The following NCOA2 variants were observed in gnomAD, a reference collection of about 807,000 sequenced individuals.
NCOA2 encodes class E basic helix-loop-helix protein 75.
Under a neutral mutation model 145.1 loss-of-function variants are expected in NCOA2, and 21 were observed. The ratio of observed to expected loss-of-function variants is 0.14; its 90% CI spans 0.10 to 0.21. The LOEUF (loss-of-function observed/expected upper bound fraction) is 0.21. NCOA2 is among the 10% of genes least tolerant of loss of function. The pLI is 1.00. For missense variants in NCOA2, 1,472 were observed against 1,837.6 expected, an observed-to-expected ratio of 0.80 and a Z score of 3.64; for synonymous variants, 619 against 637.5, an observed-to-expected ratio of 0.97 and a Z score of 0.44.
intron 1 of NCOA2, among the ~76,000 whole-genome samples, chr8:70,390,558 G>T (rs1813098522): frequency 6.6e-6 from 1 of 151,546 alleles, no homozygotes; most frequent in South Asian, 2.1e-4. Context: ...CTTGAGCCCA[G>T]TCCAAGACCA....
upstream of NCOA2, among the ~76,000 whole-genome samples, chr8:70,403,986 C>G (rs1462336665): frequency 6.6e-6 from 1 of 152,152 alleles, no homozygotes; most frequent in Admixed American, 6.5e-5. Flanking sequence ...TGGCCGCCGC[C>G]AAGTCCTGTC....
intron 1 of NCOA2, among the ~76,000 whole-genome samples, chr8:70,401,132 C>A (rs1420751216): frequency 6.6e-6 from 1 of 152,038 alleles, no homozygotes; most frequent in Non-Finnish European, 1.5e-5. Flanking sequence ...CACACACATG[C>A]TTTGTAGCAG....
At chr8:70,113,922 A>G (rs1003980246) in intron 22 of NCOA2, among the ~76,000 whole-genome samples, 24 of 152,138 alleles carry the variant, frequency 1.6e-4, no homozygotes, top group Admixed American at 5.9e-4. Context: ...TCTCTCCTTA[A>G]TGACCGCTCT....
chr8:70,339,847 C>A (rs1807962853), intron 1 of NCOA2, among the ~76,000 whole-genome samples: 1 of 152,116 alleles, frequency 6.6e-6, no homozygotes, highest in South Asian at 2.1e-4. Context: ...GGAAAAGATT[C>A]CCCGTTTAAT....
At chr8:70,420,160 A>C in the NCOA2 span, among the ~76,000 whole-genome samples, 1 of 152,248 alleles carries the variant, frequency 6.6e-6, no homozygotes, top group Non-Finnish European at 1.5e-5. Flanking sequence ...GAACAAAGTT[A>C]GTTGTGTAAT....
At chr8:70,289,983 G>A (rs566055832) in intron 2 of NCOA2, among the ~76,000 whole-genome samples, 5 of 151,756 alleles carry the variant, frequency 3.3e-5, no homozygotes, top group African/African-American at 4.8e-5. Flanking sequence ...TACAGAACAC[G>A]CCACTGTGCT....
intron 2 of NCOA2, among the ~76,000 whole-genome samples, chr8:70,231,263 T>G (rs184970718): frequency 5.3e-5 from 8 of 152,364 alleles, no homozygotes; most frequent in Middle Eastern, 3.4e-3. Flanking sequence ...GATTATGGTG[T>G]GACACTGTTT....
intron 5 of NCOA2, among the ~76,000 whole-genome samples, chr8:70,172,071 T>G (rs1814316669): frequency 6.6e-6 from 1 of 152,164 alleles, no homozygotes. Flanking sequence ...GTGATCCTCC[T>G]TGTCTCAGCC....
Position 70,128,536 on chromosome 8 carries a change from A to G in NCOA2, c.3604-26T>C, listed in dbSNP as rs373237506. ...CTAAATACATACAAACAGGATGAAT[A>G]CATTTTAAGAACAGAATACATTTTA... On this transcript the variant is annotated intron_variant, in intron 17 of 22. Coordinates refer to ENST00000452400, the MANE Select transcript of NCOA2 (RefSeq NM_006540.4). The G allele has an allele frequency of 1.7e-5, 28 of 1,604,802 alleles. No individual in the cohort carries two copies. In the South Asian group the frequency reaches 1.9e-4, roughly 11 times the overall value.
chr8:70,221,497 A>G (rs1381230315), intron 2 of NCOA2, among the ~76,000 whole-genome samples: 1 of 152,198 alleles, frequency 6.6e-6, no homozygotes, highest in African/African-American at 2.4e-5. Context: ...ATAGTATCTA[A>G]TGCTTCAATA....
At chr8:70,317,579 G>A (rs1805704222) in intron 1 of NCOA2, among the ~76,000 whole-genome samples, 1 of 152,156 alleles carries the variant, frequency 6.6e-6, no homozygotes, top group South Asian at 2.1e-4. Flanking sequence ...ATGAGTAAGT[G>A]TTAGGTCCCA....
At chr8:70,335,874 T>C (rs187169919) in intron 1 of NCOA2, among the ~76,000 whole-genome samples, 7 of 152,330 alleles carry the variant, frequency 4.6e-5, no homozygotes, top group Non-Finnish European at 5.9e-5. Context: ...CAGTATGCCA[T>C]TGTACCGAAT....
chr8:70,206,534 T>A (rs1461749544), intron 4 of NCOA2, among the ~76,000 whole-genome samples: 2 of 152,226 alleles, frequency 1.3e-5, no homozygotes, highest in Admixed American at 6.5e-5. Flanking sequence ...TTAGAATTTT[T>A]AAAAATCCAA....
chr8:70,135,027 G>A (rs1809571637), intron 15 of NCOA2, among the ~76,000 whole-genome samples: 1 of 152,022 alleles, frequency 6.6e-6, no homozygotes, highest in African/African-American at 2.4e-5. Context: ...CCAGGAAAAC[G>A]CCCCTGGAAT....
At chr8:70,152,050 A>C (rs1275942086) in intron 11 of NCOA2, among the ~76,000 whole-genome samples, 1 of 152,232 alleles carries the variant, frequency 6.6e-6, no homozygotes, top group Non-Finnish European at 1.5e-5. Context: ...TTTCTTTACA[A>C]GACAAAAAGA....
At chr8:70,323,568 T>C (rs1015516773) in intron 1 of NCOA2, among the ~76,000 whole-genome samples, 2 of 152,160 alleles carry the variant, frequency 1.3e-5, no homozygotes, top group Non-Finnish European at 2.9e-5. Context: ...CAAAATTTTT[T>C]TAAAAAATAA....
chr8:70,111,693 T>A lies in NCOA2; in HGVS notation c.*1939A>T, dbSNP rs1252941405. 4.6e-6 allele frequency: 1 copy of A among 215,226 alleles called. No homozygotes were observed. The highest frequency in any genetic ancestry group is 9.4e-6 in the Non-Finnish European group (1 of 106,798). The allele number at this position is 215,226 out of a possible 1,614,324, so 13.3% of individuals were successfully genotyped here. A position where few individuals can be genotyped will look rare whatever the true frequency, so the allele number is the denominator to read the frequency against. ...CAGACTGTCTACTTACCATCTATCT[T>A]TGGGCTATATCTCTTCCTATATTTC... is the stretch of plus-strand genomic sequence containing the variant. On this transcript the variant is annotated 3_prime_UTR_variant, in exon 23 of 23. Transcript: ENST00000452400.
intron 4 of NCOA2, among the ~76,000 whole-genome samples, chr8:70,211,720 A>G (rs1050239985): frequency 2.0e-5 from 3 of 152,232 alleles, no homozygotes; most frequent in Admixed American, 6.5e-5. Context: ...TGCTCTTTTT[A>G]AAAAACAAAT....
chr8:70,211,101 C>G (rs1212065547), intron 4 of NCOA2, among the ~76,000 whole-genome samples: 1 of 152,126 alleles, frequency 6.6e-6, no homozygotes, highest in Non-Finnish European at 1.5e-5. Context: ...CTGGCCCAAA[C>G]AGAGCTGCTG....
Sources: gnomAD v4.1 joint callset for allele counts (sites outside exome capture counted in the v4.1 genomes callset) on GRCh38, gnomAD v4.1.1 for gene constraint, MANE v1.5 for transcripts, NCBI Gene and HGNC (gene_info 2026-07-23, HGNC 2026-07-21) for gene names.